SNX9: variants seen among roughly 807,000 people sequenced by gnomAD.
SNX9 encodes the protein sorting nexin-9.
A neutral mutation model predicts 89.4 loss-of-function variants in SNX9; 44 were observed. That is an observed-to-expected ratio of 0.49 (90% CI 0.39 to 0.63). The LOEUF (loss-of-function observed/expected upper bound fraction) is 0.63. Ranked by LOEUF, SNX9 falls within the 30% of genes least tolerant of loss-of-function variation. SNX9 has a pLI of 0.00. For missense variants in SNX9, 578 were observed against 736.1 expected, an observed-to-expected ratio of 0.79 and a Z score of 2.49; for synonymous variants, 236 against 247.8, an observed-to-expected ratio of 0.95 and a Z score of 0.45.
chr6:157,901,760 C>T, intron 5 of SNX9, 138 bp from the exon 6 acceptor site: 1 of 912,610 alleles, frequency 1.1e-6, no homozygotes, highest in Non-Finnish European at 1.6e-6. Flanking sequence ...ATATTATACT[C>T]CTATACTATA....
At chr6:157,851,543 G>T (rs934641455) in intron 1 of SNX9, among the ~76,000 whole-genome samples, 1 of 151,948 alleles carries the variant, frequency 6.6e-6, no homozygotes, top group Non-Finnish European at 1.5e-5. Flanking sequence ...CTACTTTCTG[G>T]CTTCATTTGC....
chr6:157,865,078 G>A (rs370657602), intron 1 of SNX9, among the ~76,000 whole-genome samples: 13 of 152,116 alleles, frequency 8.5e-5, no homozygotes, highest in Admixed American at 2.0e-4. Context: ...GGTGGCTCAC[G>A]CCTGTAATCC....
intron 9 of SNX9, among the ~76,000 whole-genome samples, chr6:157,917,525 A>C (rs1010284514): frequency 5.3e-5 from 8 of 152,090 alleles, no homozygotes; most frequent in Non-Finnish European, 1.2e-4. Context: ...AATTTTTCTC[A>C]TAAGTTCTTA....
chr6:157,937,336 G>A, intron 14 of SNX9, 98 bp from the exon 15 acceptor site: 3 of 781,028 alleles, frequency 3.8e-6, no homozygotes, highest in Non-Finnish European at 6.4e-6. Flanking sequence ...ATTTAGTGTA[G>A]CACATGCAGG....
intron 4 of SNX9, among the ~76,000 whole-genome samples, chr6:157,886,030 T>TG (rs957704270): frequency 2.0e-5 from 3 of 152,332 alleles, no homozygotes; most frequent in African/African-American, 7.2e-5. Flanking sequence ...GTAGTTACGA[T>TG]GGAGACAGAC....
At chr6:157,913,916 C>A (rs1783404803) in intron 9 of SNX9, among the ~76,000 whole-genome samples, 2 of 152,074 alleles carry the variant, frequency 1.3e-5, no homozygotes, top group African/African-American at 2.4e-5. Context: ...ATTTGGGTTT[C>A]CAGCTTTTGG....
rs1562588732 is a variant in SNX9 at position 157,834,156 on chromosome 6, T to TTTG, written c.12+10712_12+10713insGTT. On this transcript the variant is annotated intron_variant, in intron 1 of 17. Transcript: ENST00000392185. The stretch of plus-strand genomic sequence containing the variant: ...CCATGTGGTGTCCACTGTGGTTTTT[T>TTTG]TTTTTTTTTTTTTTTTTTTTTTTTT... 6.3e-4 allele frequency among the ~76,000 whole-genome samples: 45 copies of TTTG among 71,990 alleles called. 1 individual carries two copies. The highest frequency in any genetic ancestry group is 8.6e-4 in the Non-Finnish European group (30 of 34,820). 47.2% of individuals were successfully genotyped at this position (71,990 alleles called of 152,430 possible). A position where few individuals can be genotyped will look rare whatever the true frequency, so the allele number is the denominator to read the frequency against.
In SNX9 at chr6:157,854,969, A is replaced by AAC. The variant is rs1467404722; in HGVS notation, c.13-12578_13-12577insAC. Among the ~76,000 whole-genome samples the AAC allele has an allele frequency of 4.5e-3, 664 of 148,452 alleles. 6 individuals are homozygous for AAC. Among genetic ancestry groups the AAC allele is most frequent in the African/African-American group, 0.016 (637 of 40,162 alleles). On this transcript the variant is annotated intron_variant, in intron 1 of 17. Coordinates refer to ENST00000392185, the MANE Select transcript of SNX9 (RefSeq NM_016224.5). ...GGTTCATGTTAAAAAAAAAAAAAAA[A>AAC]CCCCACAACACTACAAAAGGGCAAA...
At chr6:157,854,198 C>A (rs1406022677) in intron 1 of SNX9, among the ~76,000 whole-genome samples, 2 of 152,184 alleles carry the variant, frequency 1.3e-5, no homozygotes, top group East Asian at 3.8e-4. Context: ...TATTTGTATT[C>A]CTGTCTCCCC....
chr6:157,872,971 G>C, intron 2 of SNX9, 131 bp from the exon 3 acceptor site: 2 of 532,966 alleles, frequency 3.8e-6, no homozygotes, highest in Non-Finnish European at 6.1e-6. Flanking sequence ...ATTTTGAACG[G>C]TGTTCTCTAG....
At chr6:157,872,810 A>G (rs756978687) in intron 2 of SNX9, 4 of 192,974 alleles carry the variant, frequency 2.1e-5, no homozygotes, top group Non-Finnish European at 4.2e-5. Context: ...AGCCACTTTT[A>G]TTATCTGCCG....
At chr6:157,859,408 G>A (rs1209045384) in intron 1 of SNX9, among the ~76,000 whole-genome samples, 1 of 152,170 alleles carries the variant, frequency 6.6e-6, no homozygotes, top group Non-Finnish European at 1.5e-5. Flanking sequence ...CCATGTCTGA[G>A]TATATAGATT....
At chr6:157,837,573 T>C (rs1458668855) in intron 1 of SNX9, among the ~76,000 whole-genome samples, 1 of 152,228 alleles carries the variant, frequency 6.6e-6, no homozygotes, top group Non-Finnish European at 1.5e-5. Flanking sequence ...GGCTTCATTT[T>C]TCCTGTTTGC....
intron 7 of SNX9, 42 bp downstream of exon 7, chr6:157,906,254 T>C: frequency 1.3e-6 from 2 of 1,489,750 alleles, no homozygotes; most frequent in South Asian, 2.4e-5. Flanking sequence ...CTGATTAAGC[T>C]CTTTCTTATA....
chr6:157,881,104 AC>A (rs1171383445), intron 4 of SNX9, among the ~76,000 whole-genome samples: 2 of 151,798 alleles, frequency 1.3e-5, no homozygotes, highest in Non-Finnish European at 2.9e-5. Context: ...AGTTTTTGGC[AC>A]CCCCTGCATT....
chr6:157,930,283 C>A (rs1446229353), intron 12 of SNX9, among the ~76,000 whole-genome samples: 1 of 152,210 alleles, frequency 6.6e-6, no homozygotes, highest in Non-Finnish European at 1.5e-5. Flanking sequence ...ACAGTTGTTT[C>A]TTTCCCATGG....
chr6:157,825,263 AG>A (rs1781321548), intron 1 of SNX9, among the ~76,000 whole-genome samples: 1 of 152,032 alleles, frequency 6.6e-6, no homozygotes, highest in Non-Finnish European at 1.5e-5. Flanking sequence ...AGAAAAGACG[AG>A]ACTCCGTTTG....
Position 157,937,536 on chromosome 6 carries a change from TAGACATTTATAGA to T in SNX9, c.1533+19_1533+31del. On this transcript the variant is annotated intron_variant, in intron 15 of 17. Transcript: ENST00000392185. The stretch of plus-strand genomic sequence containing the variant: ...TGGCACTCACAAGGTAACCTGATCG[TAGACATTTATAGA>T]AGACAACAGCAGGTGAAGGAGGCAG... 6.3e-7 allele frequency: 1 copy of T among 1,594,400 alleles called. No individual in the cohort carries two copies. The highest frequency in any genetic ancestry group is 8.6e-7 in the Non-Finnish European group (1 of 1,162,390).
chr6:157,852,776 G>A (rs1470363523), intron 1 of SNX9, among the ~76,000 whole-genome samples: 2 of 151,980 alleles, frequency 1.3e-5, no homozygotes, highest in African/African-American at 2.4e-5. Context: ...GTCTCTCCAC[G>A]GTGCCCTGGC....
Sources: gnomAD v4.1 joint callset for allele counts (sites outside exome capture counted in the v4.1 genomes callset) on GRCh38, gnomAD v4.1.1 for gene constraint, MANE v1.5 for transcripts, NCBI Gene and HGNC (gene_info 2026-07-23, HGNC 2026-07-21) for gene names.